NDUFAF2: variants seen among roughly 807,000 people sequenced by gnomAD.
The protein encoded by NDUFAF2 is NADH:ubiquinone oxidoreductase complex assembly factor 2.
A neutral mutation model predicts 22.8 loss-of-function variants in NDUFAF2; 13 were observed. That is an observed-to-expected ratio of 0.57 (90% CI 0.37 to 0.91). The LOEUF is 0.91. NDUFAF2 is among the 40% of genes least tolerant of loss of function. NDUFAF2 has a pLI of 0.01. For missense variants in NDUFAF2, 162 were observed against 195.2 expected (o/e 0.83, Z 1.01); for synonymous variants, 53 against 64.2 (o/e 0.83, Z 0.84).
intron 1 of NDUFAF2, among the ~76,000 whole-genome samples, chr5:61,032,636 T>C (rs1751743191): frequency 6.6e-6 from 1 of 152,230 alleles, no homozygotes; most frequent in African/African-American, 2.4e-5. Context: ...AGCCTTGTAA[T>C]ATAGTTTGAA....
chr5:60,952,872 G>C (rs1750566479), intron 1 of NDUFAF2, among the ~76,000 whole-genome samples: 1 of 151,630 alleles, frequency 6.6e-6, no homozygotes, highest in South Asian at 2.1e-4. Context: ...AATACCTATT[G>C]TTAGGTCCTT....
At chr5:61,028,121 C>T (rs1444881351) in intron 1 of NDUFAF2, among the ~76,000 whole-genome samples, 1 of 152,004 alleles carries the variant, frequency 6.6e-6, no homozygotes, top group Non-Finnish European at 1.5e-5. Context: ...AATTAGAGTG[C>T]AGCAACTACA....
chr5:60,963,352 A>G (rs1167365689), intron 1 of NDUFAF2, among the ~76,000 whole-genome samples: 1 of 152,198 alleles, frequency 6.6e-6, no homozygotes, highest in Non-Finnish European at 1.5e-5. Context: ...TCAGTGAGGA[A>G]TTCTTGGATG....
intron 1 of NDUFAF2, among the ~76,000 whole-genome samples, chr5:61,005,497 C>T (rs1184816431): frequency 3.3e-5 from 5 of 152,262 alleles, no homozygotes; most frequent in South Asian, 2.1e-4. Context: ...GTTCTAGATC[C>T]GTGAGGAATT....
At chr5:61,135,314 A>G (rs778251666) in intron 3 of NDUFAF2, among the ~76,000 whole-genome samples, 1 of 152,106 alleles carries the variant, frequency 6.6e-6, no homozygotes, top group Non-Finnish European at 1.5e-5. Context: ...CAGGAAATGT[A>G]CAAGGAGAGT....
chr5:61,034,437 C>T (rs74488501), intron 1 of NDUFAF2, among the ~76,000 whole-genome samples: 3,694 of 152,186 alleles, frequency 0.024, 61 homozygotes, highest in Non-Finnish European at 0.038. Flanking sequence ...TGTAACACAA[C>T]GGTATTTGTG....
chr5:60,983,719 G>A (rs71630088), intron 1 of NDUFAF2, among the ~76,000 whole-genome samples: 21,972 of 149,590 alleles, frequency 0.15, 1,962 homozygotes, highest in South Asian at 0.27. Flanking sequence ...GTAGATATGC[G>A]GCATTATTTC....
chr5:60,997,006 C>T (rs1751236629), intron 1 of NDUFAF2, among the ~76,000 whole-genome samples: 1 of 152,108 alleles, frequency 6.6e-6, no homozygotes. Context: ...AATTGCTGTT[C>T]TTGTTGGGGG....
intron 3 of NDUFAF2, among the ~76,000 whole-genome samples, chr5:61,117,284 T>C (rs527969942): frequency 6.6e-6 from 1 of 152,306 alleles, no homozygotes; most frequent in Non-Finnish European, 1.5e-5. Context: ...ATATAAAGTA[T>C]TGCTTTTGAG....
At chr5:61,037,398 T>G (rs1226700756) in intron 1 of NDUFAF2, among the ~76,000 whole-genome samples, 1 of 152,152 alleles carries the variant, frequency 6.6e-6, no homozygotes, top group African/African-American at 2.4e-5. Context: ...AGGTGGAAAC[T>G]CATACAAAGT....
intron 1 of NDUFAF2, among the ~76,000 whole-genome samples, chr5:61,064,807 TAC>T (rs1752208781): frequency 6.6e-6 from 1 of 151,628 alleles, no homozygotes; most frequent in African/African-American, 2.4e-5. Context: ...TGTCTAACAT[TAC>T]ACCTCAAGGA....
intron 1 of NDUFAF2, among the ~76,000 whole-genome samples, chr5:60,977,836 C>CA (rs373286895): frequency 0.063 from 7,307 of 116,426 alleles, 295 homozygotes; most frequent in African/African-American, 0.11. Context: ...GACTCTGTCT[C>CA]AAAAAAAAAA....
chr5:60,972,322 C>T (rs972180863), intron 1 of NDUFAF2, among the ~76,000 whole-genome samples: 3 of 151,322 alleles, frequency 2.0e-5, no homozygotes, highest in Non-Finnish European at 4.4e-5. Context: ...TAGTTGTAAT[C>T]TCTAAATCCC....
At chr5:60,976,907 G>T (rs1750909502) in intron 1 of NDUFAF2, among the ~76,000 whole-genome samples, 1 of 152,104 alleles carries the variant, frequency 6.6e-6, no homozygotes, top group Admixed American at 6.5e-5. Context: ...TCTGCCACTT[G>T]CATTCATCTT....
At chr5:61,005,156 C>T (rs2112593450) in intron 1 of NDUFAF2, among the ~76,000 whole-genome samples, 1 of 152,202 alleles carries the variant, frequency 6.6e-6, no homozygotes, top group South Asian at 2.1e-4. Flanking sequence ...TCTTATTGTT[C>T]AGTTCCCACC....
At chr5:61,056,500 G>A (rs1752092630) in intron 1 of NDUFAF2, among the ~76,000 whole-genome samples, 1 of 152,104 alleles carries the variant, frequency 6.6e-6, no homozygotes, top group African/African-American at 2.4e-5. Flanking sequence ...AACTAAAATA[G>A]AGAACAAAGA....
At chr5:61,082,970 T>C (rs1352832751) in intron 2 of NDUFAF2, among the ~76,000 whole-genome samples, 1 of 152,206 alleles carries the variant, frequency 6.6e-6, no homozygotes, top group Non-Finnish European at 1.5e-5. Flanking sequence ...CCACTTAGGC[T>C]GAACTAATTT....
chr5:60,954,793 G>A (rs1750594575), intron 1 of NDUFAF2, among the ~76,000 whole-genome samples: 1 of 151,342 alleles, frequency 6.6e-6, no homozygotes. Flanking sequence ...AGTATAAGGT[G>A]ATAGCTTATT....
chr5:61,034,472 T>G (rs946820232), intron 1 of NDUFAF2, among the ~76,000 whole-genome samples: 2 of 152,082 alleles, frequency 1.3e-5, no homozygotes, highest in Non-Finnish European at 2.9e-5. Context: ...AAAGGTACAG[T>G]AAAAATGCAG....
Sources: gnomAD v4.1 joint callset for allele counts (sites outside exome capture counted in the v4.1 genomes callset) on GRCh38, gnomAD v4.1.1 for gene constraint, MANE v1.5 for transcripts, NCBI Gene and HGNC (gene_info 2026-07-23, HGNC 2026-07-21) for gene names.